The following MICU1 variants were observed in gnomAD, a reference collection of about 807,000 sequenced individuals.
MICU1 encodes mitochondrial calcium uptake 1.
Under a neutral mutation model 56.8 loss-of-function variants are expected in MICU1, and 45 were observed. The ratio of observed to expected loss-of-function variants is 0.79; its 90% CI spans 0.62 to 1.02. The LOEUF (loss-of-function observed/expected upper bound fraction) is 1.02, where lower values mean the gene tolerates loss of function less well. Among genes scored for constraint, MICU1 ranks in the 50% least tolerant of loss-of-function variants. The pLI, the probability that MICU1 is intolerant of heterozygous loss-of-function variation, is 0.00. For synonymous variants in MICU1, 186 were observed against 195.1 expected (o/e 0.95, Z 0.39); for missense variants, 504 against 587.1 (o/e 0.86, Z 1.46).
chr10:72,596,866 C>T (rs1191722581), intron 1 of MICU1, among the ~76,000 whole-genome samples: 2 of 150,076 alleles, frequency 1.3e-5, no homozygotes, highest in African/African-American at 2.4e-5. Context: ...GAGGAAGACC[C>T]CGTCTCAAAA....
intron 5 of MICU1, among the ~76,000 whole-genome samples, chr10:72,512,097 G>GTTTTTTTTTTTTTTTTTTTT (rs1867471926): frequency 1.4e-4 from 14 of 100,702 alleles, no homozygotes; most frequent in African/African-American, 5.4e-4. Flanking sequence ...TCCATACACA[G>GTTTTTTTTTTTTTTTTTTTT]TTGTTTTTTG....
At chr10:72,612,047 T>G (rs78274275) in intron 1 of MICU1, among the ~76,000 whole-genome samples, 4 of 138,632 alleles carry the variant, frequency 2.9e-5, no homozygotes, top group African/African-American at 1.1e-4. Flanking sequence ...AGCTAGATAA[T>G]AGTGAAATTG....
intron 1 of MICU1, among the ~76,000 whole-genome samples, chr10:72,578,164 C>T (rs1840798483): frequency 1.3e-5 from 2 of 152,152 alleles, no homozygotes; most frequent in South Asian, 2.1e-4. Flanking sequence ...GCAACCACTA[C>T]ACCTGATTAG....
chr10:72,451,535 TGA>T (rs1480146625), intron 8 of MICU1, among the ~76,000 whole-genome samples: 2 of 152,160 alleles, frequency 1.3e-5, no homozygotes, highest in Non-Finnish European at 2.9e-5. Context: ...ACACAGAAGA[TGA>T]AGATAATCTT....
Position 72,613,456 on chromosome 10 carries a change from T to A in MICU1, c.-2+12554A>T, listed in dbSNP as rs550389446. Reference sequence around the variant, plus strand: ...CGCCTGGCTGATTTTTTTTTATTTTTTGTAGAGCCCAGGTCCCATTATGTT... The same window carrying A: ...CGCCTGGCTGATTTTTTTTTATTTTATGTAGAGCCCAGGTCCCATTATGTT... On this transcript the variant is annotated intron_variant, in intron 1 of 11. Transcript: ENST00000361114. Among the ~76,000 whole-genome samples the A allele has an allele frequency of 2.0e-5, 3 of 151,850 alleles. No homozygotes were observed. In the South Asian group the frequency reaches 6.2e-4, roughly 32 times the overall value.
intron 6 of MICU1, among the ~76,000 whole-genome samples, chr10:72,484,318 T>G (rs567941323): frequency 2.4e-4 from 37 of 152,014 alleles, no homozygotes; most frequent in African/African-American, 8.7e-4. Context: ...ATTAATGATA[T>G]GTAAATGCAT....
At chr10:72,398,076 A>G (rs1863327911) in intron 10 of MICU1, among the ~76,000 whole-genome samples, 1 of 152,224 alleles carries the variant, frequency 6.6e-6, no homozygotes, top group African/African-American at 2.4e-5. Context: ...AAATCACAAC[A>G]AACTGTCTCT....
intron 1 of MICU1, among the ~76,000 whole-genome samples, chr10:72,623,269 C>A (rs1189392536): frequency 1.7e-5 from 1 of 60,342 alleles, no homozygotes; most frequent in Non-Finnish European, 2.9e-5. Flanking sequence ...GAAACTCTGT[C>A]AAAAAGACAA....
At chr10:72,432,555 C>T (rs986068570) in intron 8 of MICU1, among the ~76,000 whole-genome samples, 2 of 152,224 alleles carry the variant, frequency 1.3e-5, no homozygotes, top group Non-Finnish European at 2.9e-5. Flanking sequence ...GTGCCAGCCT[C>T]TGCTTCTGGT....
At chr10:72,596,664 G>A (rs1418007536) in intron 1 of MICU1, among the ~76,000 whole-genome samples, 3 of 151,926 alleles carry the variant, frequency 2.0e-5, no homozygotes, top group Non-Finnish European at 4.4e-5. Context: ...CTTGAGGTCA[G>A]GAGTTCGGGA....
chr10:72,586,017 T>C (rs1330487432), intron 1 of MICU1, among the ~76,000 whole-genome samples: 10 of 130,056 alleles, frequency 7.7e-5, no homozygotes, highest in African/African-American at 2.3e-4. Flanking sequence ...TTTTTTCTTT[T>C]TTTTTTTTTT....
intron 5 of MICU1, among the ~76,000 whole-genome samples, chr10:72,520,386 G>A (rs916358444): frequency 6.6e-6 from 1 of 152,080 alleles, no homozygotes; most frequent in African/African-American, 2.4e-5. Flanking sequence ...CTCTGAACTT[G>A]CAGAAGGGTA....
chr10:72,491,936 T>G (rs1158084875), intron 6 of MICU1, among the ~76,000 whole-genome samples: 3 of 152,126 alleles, frequency 2.0e-5, no homozygotes, highest in African/African-American at 7.2e-5. Flanking sequence ...AAAATAGATA[T>G]AAAAGTTTAA....
intron 8 of MICU1, among the ~76,000 whole-genome samples, chr10:72,455,802 C>T (rs1039781184): frequency 2.0e-5 from 3 of 151,882 alleles, no homozygotes; most frequent in African/African-American, 7.3e-5. Flanking sequence ...AGGGACTAAA[C>T]CTCTATATCC....
At chr10:72,502,430 A>G (rs1867109118) in intron 6 of MICU1, among the ~76,000 whole-genome samples, 1 of 152,196 alleles carries the variant, frequency 6.6e-6, no homozygotes, top group Non-Finnish European at 1.5e-5. Context: ...TGCCGAGATT[A>G]CAGGTGTGAG....
chr10:72,609,108 A>G (rs1375509286), intron 1 of MICU1, among the ~76,000 whole-genome samples: 1 of 152,218 alleles, frequency 6.6e-6, no homozygotes, highest in African/African-American at 2.4e-5. Flanking sequence ...TACAATATGG[A>G]TAGATTCAAA....
intron 10 of MICU1, among the ~76,000 whole-genome samples, chr10:72,397,749 T>C (rs1046950582): frequency 5.3e-5 from 8 of 152,186 alleles, no homozygotes; most frequent in Non-Finnish European, 1.2e-4. Flanking sequence ...TAAATATATA[T>C]GCACCCAATA....
At chr10:72,387,771 CT>C (rs61286167) in intron 10 of MICU1, among the ~76,000 whole-genome samples, 41 of 139,246 alleles carry the variant, frequency 2.9e-4, no homozygotes, top group African/African-American at 5.1e-4. Context: ...TTATCTGGTG[CT>C]TTTTTTTTTT....
intron 10 of MICU1, among the ~76,000 whole-genome samples, chr10:72,381,147 C>A (rs1862689612): frequency 6.6e-6 from 1 of 152,234 alleles, no homozygotes; most frequent in Non-Finnish European, 1.5e-5. Flanking sequence ...TTAGGAGCTA[C>A]CTGCCTCTTC....
Sources: gnomAD v4.1 joint callset for allele counts (sites outside exome capture counted in the v4.1 genomes callset) on GRCh38, gnomAD v4.1.1 for gene constraint, MANE v1.5 for transcripts, NCBI Gene and HGNC (gene_info 2026-07-23, HGNC 2026-07-21) for gene names.